The following ZSCAN5B variants were observed in gnomAD, a reference collection of about 807,000 sequenced individuals.
ZSCAN5B encodes the protein zinc finger and SCAN domain containing 5B, also known as zinc finger and SCAN domain-containing protein 5B.
ZSCAN5B carries 26 observed loss-of-function variants against 25.2 expected under a neutral mutation model. That is an observed-to-expected ratio of 1.03 (90% CI 0.76 to 1.43). ZSCAN5B has a LOEUF of 1.43. ZSCAN5B is among the 40% of genes most tolerant of loss of function. ZSCAN5B has a pLI of 0.00. For synonymous variants in ZSCAN5B, 244 were observed against 240.9 expected, an observed-to-expected ratio of 1.01 and a Z score of -0.12; for missense variants, 745 against 622.1, an observed-to-expected ratio of 1.20 and a Z score of -2.10.
At chr19:56,190,847 T>C in exon 4 of ZSCAN5B, 1 of 1,614,048 alleles carries the variant, frequency 6.2e-7, no homozygotes, top group Non-Finnish European at 8.5e-7. Flanking sequence ...TGGGACTCTT[T>C]GGAAGCTGAG....
At position 56,191,105 on chromosome 19, in the gene ZSCAN5B, A is replaced by C. The variant is rs919682506; in HGVS notation, c.589-118T>G. ...TCCCATGGACCACCCCATCACCCCA[A>C]GTAAACATCACCACCTCATTTCTGC... On this transcript the variant is annotated intron_variant, in intron 3 of 4. Transcript: ENST00000586855. The C allele has an allele frequency of 8.9e-6, 12 of 1,353,616 alleles. No individual in the cohort carries two copies. In the African/African-American group the frequency reaches 1.0e-4, roughly 12 times the overall value. 83.9% of individuals were successfully genotyped at this position (1,353,616 alleles called of 1,614,324 possible).
At chr19:56,190,147 T>C in exon 5 of ZSCAN5B, 1 of 1,614,042 alleles carries the variant, frequency 6.2e-7, no homozygotes, top group Non-Finnish European at 8.5e-7. Flanking sequence ...AAGAAGCGCT[T>C]CCGACAGAGA....
At chr19:56,191,900 G>A (rs776469184) in exon 3 of ZSCAN5B, 16 of 1,613,838 alleles carry the variant, frequency 9.9e-6, no homozygotes, top group Admixed American at 3.3e-5. Context: ...TGCTCTCGGC[G>A]GGCCTGGCCT....
exon 2 of ZSCAN5B, chr19:56,192,909 C>G: frequency 6.2e-7 from 1 of 1,614,144 alleles, no homozygotes. Context: ...AGCTGAACAT[C>G]CTGAAATTCA....
At chr19:56,194,931 C>G (rs2032790043) in intron 1 of ZSCAN5B, among the ~76,000 whole-genome samples, 1 of 152,060 alleles carries the variant, frequency 6.6e-6, no homozygotes, top group Admixed American at 6.6e-5. Flanking sequence ...AAATTTGGTT[C>G]TAAACATAGC....
chr19:56,191,150 C>T (rs943304920), intron 3 of ZSCAN5B, among the ~76,000 whole-genome samples, 163 bp from the exon 4 acceptor site: 1 of 152,094 alleles, frequency 6.6e-6, no homozygotes, highest in African/African-American at 2.4e-5. Flanking sequence ...TAATCTGCAC[C>T]CTCCATATTC....
intron 1 of ZSCAN5B, among the ~76,000 whole-genome samples, chr19:56,193,779 G>A (rs945081438): frequency 3.3e-5 from 5 of 152,002 alleles, no homozygotes; most frequent in Non-Finnish European, 7.4e-5. Context: ...TGGCTAACAT[G>A]GTGAAACCCC....
At chr19:56,190,740 C>G in intron 4 of ZSCAN5B, 97 bp downstream of exon 4, 1 of 1,544,954 alleles carries the variant, frequency 6.5e-7, no homozygotes, top group South Asian at 1.3e-5. Flanking sequence ...ATTTTGGCAG[C>G]TGATCGCCAG....
intron 4 of ZSCAN5B, 92 bp from the exon 5 acceptor site, chr19:56,190,667 G>C (rs1036176699): frequency 9.6e-6 from 15 of 1,556,108 alleles, no homozygotes; most frequent in African/African-American, 8.2e-5. Context: ...CCTTGGCTGA[G>C]AACTTCCCCT....
chr19:56,192,030 T>G (rs889049411), exon 3 of ZSCAN5B: 21 of 1,613,040 alleles, frequency 1.3e-5, no homozygotes, highest in Non-Finnish European at 1.7e-5. Flanking sequence ...TAAGATATTC[T>G]TTGCCGAGCA....
intron 3 of ZSCAN5B, 97 bp from the exon 4 acceptor site, chr19:56,191,084 A>G: frequency 6.5e-7 from 1 of 1,541,356 alleles, no homozygotes; most frequent in South Asian, 1.2e-5. Context: ...CAGACTTCCC[A>G]TGGACCACCC....
exon 3 of ZSCAN5B, chr19:56,191,987 G>T (rs1228709192): frequency 6.2e-7 from 1 of 1,613,986 alleles, no homozygotes; most frequent in Non-Finnish European, 8.5e-7. Context: ...ACACTGGCGG[G>T]GGCTTCAGCC....
rs139789363 is a variant in ZSCAN5B at position 56,196,050 on chromosome 19, C to T, written c.-128+1684G>A. ...CTTAAAATTATTTTTATTTTTATTT[C>T]GTTTTATTGATTTATTTTTTGAGAC... On this transcript the variant is annotated intron_variant, in intron 1 of 4. Coordinates refer to ENST00000586855, the Ensembl canonical transcript of ZSCAN5B. Among the ~76,000 whole-genome samples, 29 of 152,006 alleles carry T rather than the reference C, an allele frequency of 1.9e-4. No individual in the cohort carries two copies. In the East Asian group the frequency reaches 4.9e-3, roughly 25 times the overall value.
Position 56,190,381 on chromosome 19 carries a change from G to A in ZSCAN5B, c.934C>T (p.Gln312Ter), listed in dbSNP as rs767033662. The change falls in exon 5 of 5, where the codon CAA becomes TAA. Residue 312 changes from glutamine to a stop codon, truncating the protein, a stop_gained. Coordinates refer to ENST00000586855, the Ensembl canonical transcript of ZSCAN5B. LOFTEE classifies it low-confidence loss of function (END_TRUNC). ...TTGCCCACAGGTGTGGCTTCTCCTT[G>A]AGGCTCTTCTTGGGAAATGGAGGAG... 2 of 1,614,088 alleles carry A rather than the reference G, an allele frequency of 1.2e-6. No individual in the cohort carries two copies. The highest frequency in any genetic ancestry group is 1.7e-6 in the Non-Finnish European group (2 of 1,180,032).
At position 56,190,398 on chromosome 19, in the gene ZSCAN5B, AT is replaced by A. The variant is rs759725625; in HGVS notation, c.916del (p.Ile306PhefsTer65). 2 of 1,614,046 alleles carry A rather than the reference AT, an allele frequency of 1.2e-6. No individual in the cohort carries two copies. The highest frequency in any genetic ancestry group is 4.5e-5 in the East Asian group (2 of 44,856). ...TTCTCCTTGAGGCTCTTCTTGGGAA[AT>A]GGAGGAGGCATCTGGTTTGCTTCTT... On this transcript the variant is annotated frameshift_variant, in exon 5 of 5. Coordinates refer to ENST00000586855, the Ensembl canonical transcript of ZSCAN5B. LOFTEE classifies it low-confidence loss of function (END_TRUNC).
exon 2 of ZSCAN5B, chr19:56,192,827 C>T (rs769100111): frequency 1.7e-5 from 28 of 1,612,854 alleles, no homozygotes; most frequent in South Asian, 4.4e-5. Context: ...GTGTGGAGGT[C>T]GGGCCTCAGC....
exon 5 of ZSCAN5B, chr19:56,190,013 G>A (rs767966946): frequency 3.3e-5 from 54 of 1,613,826 alleles, no homozygotes; most frequent in Middle Eastern, 3.3e-4. Flanking sequence ...GCCTCTCCCC[G>A]GTGTGGATCC....
intron 1 of ZSCAN5B, 25 bp from the exon 2 acceptor site, chr19:56,193,204 A>G: frequency 1.1e-6 from 1 of 950,822 alleles, no homozygotes. Context: ...CATGAGCCCG[A>G]TTATTTTAAC....
intron 1 of ZSCAN5B, among the ~76,000 whole-genome samples, chr19:56,195,856 TA>T (rs1312487870): frequency 1.3e-5 from 2 of 151,670 alleles, no homozygotes; most frequent in Non-Finnish European, 2.9e-5. Flanking sequence ...TTTTTAAAGT[TA>T]TCTATTTTTG....
Sources: allele counts gnomAD v4.1 joint callset (sites outside exome capture counted in the v4.1 genomes callset), GRCh38; gene constraint gnomAD v4.1.1; transcripts MANE v1.5; gene names NCBI Gene and HGNC (gene_info 2026-07-23, HGNC 2026-07-21).